The following MMP16 variants were observed in gnomAD, a reference collection of about 807,000 sequenced individuals.
MMP16 encodes matrix metalloproteinase-16.
Under a neutral mutation model 67.8 loss-of-function variants are expected in MMP16, and 12 were observed. That is an observed-to-expected ratio of 0.18 (90% CI 0.11 to 0.29). MMP16 has a LOEUF of 0.29. Ranked by LOEUF, MMP16 falls within the 10% of genes least tolerant of loss-of-function variation. The probability of loss-of-function intolerance (pLI) is 1.00; values close to 1 mark genes in which losing one functional copy is unlikely to be tolerated. For synonymous variants in MMP16, 249 were observed against 255.9 expected (o/e 0.97, Z 0.26); for missense variants, 475 against 765.7 (o/e 0.62, Z 4.48).
chr8:88,089,611 GAAGT>G (rs1368811358), intron 6 of MMP16, among the ~76,000 whole-genome samples: 1 of 151,932 alleles, frequency 6.6e-6, no homozygotes, highest in Non-Finnish European at 1.5e-5. Flanking sequence ...AAGAGGAAAT[GAAGT>G]AATAATACAT....
chr8:88,247,795 C>T (rs1810143203), intron 1 of MMP16, among the ~76,000 whole-genome samples: 1 of 152,028 alleles, frequency 6.6e-6, no homozygotes, highest in South Asian at 2.1e-4. Flanking sequence ...TCTTCATTCC[C>T]AGCTGCAGTA....
chr8:88,255,769 A>G (rs1476134620), intron 1 of MMP16, among the ~76,000 whole-genome samples: 1 of 152,208 alleles, frequency 6.6e-6, no homozygotes. Context: ...TGCATGAAAC[A>G]TATCAGACTT....
chr8:88,290,066 A>AC (rs1810898944), intron 1 of MMP16, among the ~76,000 whole-genome samples: 1 of 152,136 alleles, frequency 6.6e-6, no homozygotes, highest in South Asian at 2.1e-4. Flanking sequence ...TCCATAAATG[A>AC]CCAGGAAAAT....
intron 3 of MMP16, among the ~76,000 whole-genome samples, chr8:88,171,145 T>G (rs570707152): frequency 6.6e-6 from 1 of 152,282 alleles, no homozygotes; most frequent in East Asian, 1.9e-4. Flanking sequence ...ATAAAAATAA[T>G]GAATGTGGAG....
At chr8:88,249,361 T>C (rs1446429020) in intron 1 of MMP16, among the ~76,000 whole-genome samples, 1 of 152,116 alleles carries the variant, frequency 6.6e-6, no homozygotes. Flanking sequence ...GCTTTGTAAC[T>C]GGCTTTTAGT....
At chr8:88,135,747 T>C (rs1808108138) in intron 4 of MMP16, among the ~76,000 whole-genome samples, 1 of 151,706 alleles carries the variant, frequency 6.6e-6, no homozygotes, top group Non-Finnish European at 1.5e-5. Flanking sequence ...AGGTTTCTGG[T>C]TTGGACAATT....
chr8:88,124,440 G>A (rs1215621984), intron 4 of MMP16, among the ~76,000 whole-genome samples: 3 of 151,874 alleles, frequency 2.0e-5, no homozygotes, highest in African/African-American at 7.2e-5. Flanking sequence ...AGAGTAAATA[G>A]CAGAAACTTA....
intron 7 of MMP16, among the ~76,000 whole-genome samples, chr8:88,068,466 C>T (rs568202270): frequency 3.9e-5 from 6 of 152,042 alleles, no homozygotes; most frequent in African/African-American, 1.4e-4. Flanking sequence ...GAAATTTTTG[C>T]ACAGATTAAG....
At chr8:88,076,782 C>T (rs572714438) in intron 6 of MMP16, among the ~76,000 whole-genome samples, 1 of 152,088 alleles carries the variant, frequency 6.6e-6, no homozygotes, top group South Asian at 2.1e-4. Context: ...ATGTATATGC[C>T]AAAATAATTA....
At chr8:88,080,920 A>G (rs1350684356) in intron 6 of MMP16, among the ~76,000 whole-genome samples, 2 of 152,188 alleles carry the variant, frequency 1.3e-5, no homozygotes, top group Non-Finnish European at 2.9e-5. Context: ...TAAAAGGCAG[A>G]GAAAGAAATG....
chr8:88,217,506 C>T lies in MMP16; in HGVS notation c.133-20200G>A, dbSNP rs551660136. ...TATTAATCCACCACAGGGTTCAATA[C>T]AGTTTTCTTCCTTTCTGCACTTCTT... On this transcript the variant is annotated intron_variant, in intron 1 of 9. Transcript: ENST00000286614. Among the ~76,000 whole-genome samples the T allele has an allele frequency of 3.5e-3, 532 of 152,122 alleles. 4 individuals carry two copies. Among genetic ancestry groups the T allele is most frequent in the Non-Finnish European group, 6.4e-3 (434 of 67,926 alleles).
intron 1 of MMP16, among the ~76,000 whole-genome samples, chr8:88,235,245 A>G (rs1323219422): frequency 1.3e-5 from 2 of 152,116 alleles, no homozygotes; most frequent in Non-Finnish European, 2.9e-5. Flanking sequence ...TTCAAAAATT[A>G]GCCAGGCATG....
chr8:88,104,987 G>A (rs1809212264), intron 6 of MMP16, among the ~76,000 whole-genome samples: 1 of 151,504 alleles, frequency 6.6e-6, no homozygotes, highest in Non-Finnish European at 1.5e-5. Context: ...TGTAGCCTAA[G>A]TATAAAATAT....
chr8:88,166,688 C>CATAT (rs1166566212), intron 4 of MMP16, among the ~76,000 whole-genome samples: 2,836 of 57,996 alleles, frequency 0.049, 93 homozygotes, highest in East Asian at 0.079. Flanking sequence ...CAAAAAATTA[C>CATAT]ATATATATAT....
intron 1 of MMP16, among the ~76,000 whole-genome samples, chr8:88,253,117 C>T (rs1411914609): frequency 6.6e-6 from 1 of 152,074 alleles, no homozygotes; most frequent in Non-Finnish European, 1.5e-5. Context: ...TACAGAGGTA[C>T]TGGTTTAGAA....
chr8:88,313,046 G>A (rs1034521244), intron 1 of MMP16, among the ~76,000 whole-genome samples: 2 of 152,126 alleles, frequency 1.3e-5, no homozygotes, highest in Non-Finnish European at 2.9e-5. Context: ...CACAGTATGT[G>A]CTCTTTTTAA....
In MMP16 at chr8:88,040,996, T is replaced by C. The variant is rs1251033264; in HGVS notation, c.*465A>G. The C allele has an allele frequency of 6.6e-6, 1 of 151,684 alleles. No individual in the cohort carries two copies. Among genetic ancestry groups the C allele is most frequent in the Non-Finnish European group, 1.5e-5 (1 of 68,012 alleles). The allele number at this position is 151,684 out of a possible 1,614,324, so 9.4% of individuals were successfully genotyped here. Reference sequence around the variant, plus strand: ...TGGGTTTTTTGTTTAAACTCTTTTTTCCCTTTGTTTTAAAGCAAAAAAAGA... The same window carrying C: ...TGGGTTTTTTGTTTAAACTCTTTTTCCCCTTTGTTTTAAAGCAAAAAAAGA... On this transcript the variant is annotated 3_prime_UTR_variant, in exon 10 of 10. Transcript: ENST00000286614.
intron 1 of MMP16, among the ~76,000 whole-genome samples, chr8:88,237,683 A>AC (rs1554587733): frequency 2.1e-5 from 2 of 95,078 alleles, no homozygotes; most frequent in African/African-American, 4.8e-5. Flanking sequence ...AACAACAACA[A>AC]AAAACAACTG....
rs200676292 is a variant in MMP16 at position 88,320,397 on chromosome 8, CA to C, written c.132+6677del. Among the ~76,000 whole-genome samples, 949 of 152,222 alleles carry C rather than the reference CA, an allele frequency of 6.2e-3. 11 individuals are homozygous for C. The highest frequency in any genetic ancestry group is 0.022 in the African/African-American group (904 of 41,544). On this transcript the variant is annotated intron_variant, in intron 1 of 9. Coordinates refer to ENST00000286614, the MANE Select transcript of MMP16 (RefSeq NM_005941.5). ...ATTTCATTAGTTATTTTAGTTAAAA[CA>C]GGAACACCAAAAACACCTAGTCACT... is the stretch of plus-strand genomic sequence containing the variant.
Sources: gnomAD v4.1 joint callset for allele counts (sites outside exome capture counted in the v4.1 genomes callset) on GRCh38, gnomAD v4.1.1 for gene constraint, MANE v1.5 for transcripts, NCBI Gene and HGNC (gene_info 2026-07-23, HGNC 2026-07-21) for gene names.